Variants in SLC7A7 observed in about 807,000 individuals in gnomAD.
SLC7A7 encodes the protein solute carrier family 7 member 7.
SLC7A7 carries 39 observed loss-of-function variants against 47.9 expected under a neutral mutation model. The observed-to-expected ratio is 0.81, with a 90% confidence interval of 0.63 to 1.06. SLC7A7 has a LOEUF of 1.06. Ranked by LOEUF, SLC7A7 falls within the 50% of genes least tolerant of loss-of-function variation. The probability of loss-of-function intolerance (pLI) is 0.00; values close to 1 mark genes in which losing one functional copy is unlikely to be tolerated. For missense variants in SLC7A7, 588 were observed against 632.0 expected (o/e 0.93, Z 0.75); for synonymous variants, 234 against 242.8 (o/e 0.96, Z 0.34).
intron 2 of SLC7A7, among the ~76,000 whole-genome samples, chr14:22,785,085 T>C (rs376481070): frequency 1.7e-4 from 26 of 151,344 alleles, no homozygotes; most frequent in African/African-American, 6.3e-4. Flanking sequence ...TTGAGACCAG[T>C]CTGGCCACCA....
chr14:22,786,729 T>C (rs1383463789), intron 2 of SLC7A7, among the ~76,000 whole-genome samples: 5 of 151,550 alleles, frequency 3.3e-5, no homozygotes, highest in Non-Finnish European at 7.4e-5. Flanking sequence ...AGTCCAGGAG[T>C]TCAAGACCAG....
At position 22,801,541 on chromosome 14, in the gene SLC7A7, T is replaced by C. The variant is rs573438673; in HGVS notation, c.499+11359A>G. Among the ~76,000 whole-genome samples, 9 of 152,190 alleles carry C rather than the reference T, an allele frequency of 5.9e-5. No individual in the cohort carries two copies. The South Asian group carries it at 1.7e-3, about 28-fold the overall frequency. The stretch of plus-strand genomic sequence containing the variant: ...GCTCACGCCTGTAATCCCAGCACTT[T>C]GGGAGGCCGAGGCAGGCGGATCATG... On this transcript the variant is annotated intron_variant, in intron 2 of 9. Coordinates refer to ENST00000674313, the MANE Select transcript of SLC7A7 (RefSeq NM_003982.4).
In SLC7A7 at chr14:22,813,186, G is replaced by A; in HGVS notation, c.213C>T (p.Leu71=). The A allele has an allele frequency of 6.2e-7, 1 of 1,614,208 alleles. No individual in the cohort carries two copies. The highest frequency in any genetic ancestry group is 8.5e-7 in the Non-Finnish European group (1 of 1,180,028). Residue 71 remains leucine, a synonymous_variant, in exon 2 of 10, where the codon CTC becomes CTT. Coordinates refer to ENST00000674313, the MANE Select transcript of SLC7A7 (RefSeq NM_003982.4). ...CCCCGACAGCCCAGATGACCAGAGA[G>A]AGACCAAAGGAGGCACTGTATATGA... ...GVLIYSASFG[L]SLVIWAVGGL...
intron 2 of SLC7A7, among the ~76,000 whole-genome samples, chr14:22,785,166 C>T (rs2038791416): frequency 6.6e-6 from 1 of 152,116 alleles, no homozygotes; most frequent in African/African-American, 2.4e-5. Flanking sequence ...GTAATCCCAG[C>T]TACTTGGAGG....
At chr14:22,813,726 G>A (rs1274714092) in intron 1 of SLC7A7, among the ~76,000 whole-genome samples, 3 of 151,112 alleles carry the variant, frequency 2.0e-5, no homozygotes, top group Admixed American at 6.6e-5. Context: ...GGGTTCAAGC[G>A]CTTCTCTTGC....
Position 22,773,263 on chromosome 14 carries a change from A to C in SLC7A7, c.*347T>G, listed in dbSNP as rs1424917608. ...TTTATTGTCATCCAGCACCTGTGATAGTTTCATGTCTCTCTAAAGGAGACA... is the reference window on the plus strand; with the variant it reads ...TTTATTGTCATCCAGCACCTGTGATCGTTTCATGTCTCTCTAAAGGAGACA... On this transcript the variant is annotated 3_prime_UTR_variant, in exon 10 of 10. Transcript: ENST00000674313. 1 of 443,446 alleles carries C rather than the reference A, an allele frequency of 2.3e-6. No homozygotes were observed. The highest frequency in any genetic ancestry group is 2.0e-5 in the African/African-American group (1 of 49,130). The allele number at this position is 443,446 out of a possible 1,614,324, so 27.5% of individuals were successfully genotyped here.
Position 22,773,466 on chromosome 14 carries a change from A to G in SLC7A7, c.*144T>C, listed in dbSNP as rs1310293594. 1 of 735,598 alleles carries G rather than the reference A, an allele frequency of 1.4e-6. No homozygotes were observed. The highest frequency in any genetic ancestry group is 2.7e-5 in the East Asian group (1 of 37,484). The allele number at this position is 735,598 out of a possible 1,614,324, so 45.6% of individuals were successfully genotyped here. On this transcript the variant is annotated 3_prime_UTR_variant, in exon 10 of 10. Coordinates refer to ENST00000674313, the MANE Select transcript of SLC7A7 (RefSeq NM_003982.4). ...AACAAATAAATTACTTTTCATTTCA[A>G]AAAGTAAGTTCAAAGGTTGAAGCTG...
chr14:22,786,315 T>A (rs1322924177), intron 2 of SLC7A7, among the ~76,000 whole-genome samples: 1 of 31,014 alleles, frequency 3.2e-5, no homozygotes, highest in African/African-American at 7.3e-5. Flanking sequence ...AGACTCCATC[T>A]AAAAACAAAC....
At chr14:22,775,623 C>G (rs2038587527) in intron 6 of SLC7A7, 83 bp from the exon 7 acceptor site, 2 of 1,151,786 alleles carry the variant, frequency 1.7e-6, no homozygotes, top group Non-Finnish European at 2.6e-6. Context: ...CCCTCCCTCT[C>G]TGCCATCCCT....
chr14:22,789,874 G>T (rs2038894129), intron 2 of SLC7A7, among the ~76,000 whole-genome samples: 1 of 152,078 alleles, frequency 6.6e-6, no homozygotes, highest in East Asian at 1.9e-4. Context: ...AAGGCAAGAA[G>T]ATGGATCCTC....
In SLC7A7 at chr14:22,775,554, G is replaced by C; in HGVS notation, c.999-14C>G. ...ACAAAGAAAAGCCTATGTTAGGTAA[G>C]ATAGGAGAAGCTGAGAAAATTGGTG... On this transcript the variant is annotated splice_polypyrimidine_tract_variant and intron_variant, in intron 6 of 9. Transcript: ENST00000674313. 1 of 1,608,304 alleles carries C rather than the reference G, an allele frequency of 6.2e-7. No individual in the cohort carries two copies.
chr14:22,819,697 AG>A (rs2039450018), upstream of SLC7A7: 1 of 150,804 alleles, frequency 6.6e-6, no homozygotes, highest in Admixed American at 6.6e-5. Context: ...GTCAGGGGAG[AG>A]GGGAAGGTGC....
chr14:22,808,706 T>C (rs1369298107), intron 2 of SLC7A7, among the ~76,000 whole-genome samples: 3 of 152,214 alleles, frequency 2.0e-5, no homozygotes, highest in Non-Finnish European at 4.4e-5. Context: ...GAATCATATG[T>C]CACTAAATTC....
chr14:22,773,749 G>T, intron 9 of SLC7A7, 33 bp from the exon 10 acceptor site: 1 of 1,606,002 alleles, frequency 6.2e-7, no homozygotes, highest in Non-Finnish European at 8.5e-7. Context: ...GAATTGAGAA[G>T]AGGTCAGCTG....
At chr14:22,815,817 C>T (rs1259755275), upstream of SLC7A7, 2 of 388,248 alleles carry the variant, frequency 5.2e-6, no homozygotes, top group African/African-American at 2.1e-5. Context: ...ACCCTAGCCT[C>T]TCTTCTCTCT....
In SLC7A7 at chr14:22,775,525, G is replaced by A; in HGVS notation, c.1014C>T (p.Gly338=). 1 of 1,614,140 alleles carries A rather than the reference G, an allele frequency of 6.2e-7. No individual in the cohort carries two copies. The highest frequency in any genetic ancestry group is 8.5e-7 in the Non-Finnish European group (1 of 1,179,994). ...IVAASRLFFV[G]SREGHLPDAI... The stretch of plus-strand genomic sequence containing the variant: ...CATCAGGGAGATGGCCTTCTCTTGA[G>A]CCCACAAAGAAAAGCCTATGTTAGG... Residue 338 remains glycine, a synonymous_variant, in exon 7 of 10, where the codon GGC becomes GGT. Transcript: ENST00000674313.
rs143268530 is a variant in SLC7A7 at position 22,786,121 on chromosome 14, C to A, written c.500-6070G>T. ...GGATCACGAGGTCAGGAAATTGAGA[C>A]CAGCCTGCCCAACATGGTGAAAACC... On this transcript the variant is annotated intron_variant, in intron 2 of 9. Coordinates refer to ENST00000674313, the MANE Select transcript of SLC7A7 (RefSeq NM_003982.4). Among the ~76,000 whole-genome samples the A allele has an allele frequency of 8.9e-3, 1,351 of 151,426 alleles. 28 individuals are homozygous for A. The highest frequency in any genetic ancestry group is 0.031 in the African/African-American group (1,272 of 41,198).
In SLC7A7 at chr14:22,813,182, G is replaced by C; in HGVS notation, c.217C>G (p.Leu73Val). ...LIYSASFGLS[L>V]VIWAVGGLFS... Reference sequence around the variant, plus strand: ...AGGCCCCCGACAGCCCAGATGACCAGAGAGAGACCAAAGGAGGCACTGTAT... The same window carrying C: ...AGGCCCCCGACAGCCCAGATGACCACAGAGAGACCAAAGGAGGCACTGTAT... Residue 73 changes from leucine to valine, a missense_variant, in exon 2 of 10, where the codon CTG becomes GTG. Coordinates refer to ENST00000674313, the MANE Select transcript of SLC7A7 (RefSeq NM_003982.4). 2 of 1,614,224 alleles carry C rather than the reference G, an allele frequency of 1.2e-6. No homozygotes were observed. The highest frequency in any genetic ancestry group is 1.7e-6 in the Non-Finnish European group (2 of 1,180,040).
Position 22,809,722 on chromosome 14 carries a change from G to A in SLC7A7, c.499+3178C>T, listed in dbSNP as rs779880803. On this transcript the variant is annotated intron_variant, in intron 2 of 9. Coordinates refer to ENST00000674313, the MANE Select transcript of SLC7A7 (RefSeq NM_003982.4). ...AAGTGCTAGGATTACAGGCATGAGC[G>A]ACTGCACCCGGCCTTTGCATGTATT... is the stretch of plus-strand genomic sequence containing the variant. 1.8e-4 allele frequency among the ~76,000 whole-genome samples: 28 copies of A among 151,976 alleles called. 1 individual carries two copies. The highest frequency in any genetic ancestry group is 3.5e-4 in the Non-Finnish European group (24 of 68,018).
Sources: allele counts gnomAD v4.1 joint callset (sites outside exome capture counted in the v4.1 genomes callset), GRCh38; gene constraint gnomAD v4.1.1; transcripts MANE v1.5; gene names NCBI Gene and HGNC (gene_info 2026-07-23, HGNC 2026-07-21).